The following GOLGA5 variants were observed in gnomAD, a reference collection of about 807,000 sequenced individuals.
The protein encoded by GOLGA5 is golgin subfamily A member 5.
GOLGA5 carries 50 observed loss-of-function variants against 93.5 expected under a neutral mutation model. The observed-to-expected ratio is 0.53, with a 90% CI of 0.43 to 0.68. The LOEUF (loss-of-function observed/expected upper bound fraction) is 0.68, where lower values mean the gene tolerates loss of function less well. GOLGA5 is among the 30% of genes least tolerant of loss of function. The pLI is 0.00. For missense variants in GOLGA5, 760 were observed against 856.4 expected (o/e 0.89, Z 1.40); for synonymous variants, 312 against 304.5 (o/e 1.02, Z -0.26).
chr14:92,823,544 A>G (rs1885357082), intron 8 of GOLGA5, among the ~76,000 whole-genome samples: 1 of 151,434 alleles, frequency 6.6e-6, no homozygotes, highest in Admixed American at 6.6e-5. Context: ...CCTCCTGAGT[A>G]GCTGGGATTA....
At position 92,831,593 on chromosome 14, in the gene GOLGA5, C is replaced by T. The variant is rs867432418; in HGVS notation, c.1720-1529C>T. Among the ~76,000 whole-genome samples, 17 of 152,110 alleles carry T rather than the reference C, an allele frequency of 1.1e-4. No individual in the cohort carries two copies. In the South Asian group the frequency reaches 1.2e-3, roughly 11 times the overall value. Reference sequence around the variant, plus strand: ...GCTGACTATACCGTCAAACATTTGTCACAGTTCGTTTTTTGCTTAATACCT... The same window carrying T: ...GCTGACTATACCGTCAAACATTTGTTACAGTTCGTTTTTTGCTTAATACCT... On this transcript the variant is annotated intron_variant, in intron 9 of 12. Coordinates refer to ENST00000163416, the MANE Select transcript of GOLGA5 (RefSeq NM_005113.4).
In GOLGA5 at chr14:92,797,889, A is replaced by G. The variant is rs755034600; in HGVS notation, c.452A>G (p.Gln151Arg). 1.9e-6 allele frequency: 3 copies of G among 1,612,312 alleles called. No individual in the cohort carries two copies. Among genetic ancestry groups the G allele is most frequent in the African/African-American group, 1.3e-5 (1 of 74,904 alleles). Reference sequence around the variant, plus strand: ...GAAAAAGGCAAGACACCTGTCTTTCAGAGCTCTCAGACATCAAGTGTCAGT... The same window carrying G: ...GAAAAAGGCAAGACACCTGTCTTTCGGAGCTCTCAGACATCAAGTGTCAGT... Reference protein sequence around the residue: ...RKEKGKTPVFQSSQTSSVSSV... With the variant: ...RKEKGKTPVFRSSQTSSVSSV... Residue 151 changes from glutamine (Q) to arginine (R), a missense_variant, in exon 2 of 13, where the codon CAG becomes CGG. Transcript: ENST00000163416.
In GOLGA5 at chr14:92,802,909, G is replaced by A. The variant is rs115151398; in HGVS notation, c.545-3827G>A. On this transcript the variant is annotated intron_variant, in intron 2 of 12. Transcript: ENST00000163416. ...CCTCCCAACTCACTGGGATGCAGGT[G>A]CACACCACTGCACCTAGCTCCAGCT... Among the ~76,000 whole-genome samples the A allele has an allele frequency of 2.4e-3, 363 of 152,076 alleles. 1 individual carries two copies. Among genetic ancestry groups the A allele is most frequent in the African/African-American group, 8.4e-3 (349 of 41,474 alleles).
At chr14:92,824,514 C>A (rs2273645) in intron 8 of GOLGA5, 32 bp from the exon 9 acceptor site, 2 of 1,115,844 alleles carry the variant, frequency 1.8e-6, no homozygotes, top group African/African-American at 3.1e-5. Flanking sequence ...ACACTTATTT[C>A]GCTTCTGTTT....
chr14:92,834,349 T>TC (rs1885594886), intron 10 of GOLGA5, among the ~76,000 whole-genome samples: 2 of 151,590 alleles, frequency 1.3e-5, no homozygotes, highest in African/African-American at 2.4e-5. Flanking sequence ...CTATCCCTCC[T>TC]CCCCCCTCCC....
intron 2 of GOLGA5, among the ~76,000 whole-genome samples, chr14:92,800,204 A>C (rs1884838692): frequency 6.6e-6 from 1 of 152,224 alleles, no homozygotes; most frequent in South Asian, 2.1e-4. Flanking sequence ...TAAACAGATA[A>C]TTTACTTGTG....
chr14:92,816,216 T>C (rs1885201083), intron 6 of GOLGA5, 35 bp from the exon 7 acceptor site: 15 of 1,437,988 alleles, frequency 1.0e-5, no homozygotes, highest in African/African-American at 2.8e-5. Flanking sequence ...AACTAATCTC[T>C]GCTTTGCTTA....
chr14:92,819,276 A>G (rs1359397458), intron 7 of GOLGA5, among the ~76,000 whole-genome samples: 1 of 152,130 alleles, frequency 6.6e-6, no homozygotes, highest in Non-Finnish European at 1.5e-5. Flanking sequence ...GTCAGGTTAT[A>G]TGCTCCCTAT....
intron 6 of GOLGA5, 88 bp downstream of exon 6, chr14:92,811,842 C>T (rs914495691): frequency 2.1e-6 from 2 of 940,280 alleles, no homozygotes; most frequent in Admixed American, 2.0e-5. Flanking sequence ...GTGTGAGGTG[C>T]TTTGTTCATG....
intron 2 of GOLGA5, among the ~76,000 whole-genome samples, chr14:92,803,220 A>G (rs1884911614): frequency 6.6e-6 from 1 of 152,020 alleles, no homozygotes; most frequent in South Asian, 2.1e-4. Flanking sequence ...CATTTTTTGT[A>G]GAGACAAGGT....
chr14:92,830,566 A>T (rs10146398), intron 9 of GOLGA5, among the ~76,000 whole-genome samples: 1 of 152,078 alleles, frequency 6.6e-6, no homozygotes, highest in Non-Finnish European at 1.5e-5. Flanking sequence ...CTGCACTGTT[A>T]ATAGACTACA....
chr14:92,825,770 C>G (rs1169911601), intron 9 of GOLGA5, among the ~76,000 whole-genome samples: 1 of 149,122 alleles, frequency 6.7e-6, no homozygotes, highest in Non-Finnish European at 1.5e-5. Context: ...ATGGGAGGAT[C>G]ACTTGCGCCT....
intron 8 of GOLGA5, among the ~76,000 whole-genome samples, chr14:92,821,411 C>T (rs1885315190): frequency 6.6e-6 from 1 of 152,052 alleles, no homozygotes; most frequent in Non-Finnish European, 1.5e-5. Flanking sequence ...ATAATAGTTT[C>T]AGTATTAACA....
chr14:92,798,114 T>G (rs1161011131), intron 2 of GOLGA5, 133 bp downstream of exon 2: 1 of 666,144 alleles, frequency 1.5e-6, no homozygotes, highest in Non-Finnish European at 2.6e-6. Context: ...TCTGCAAATG[T>G]GTGGTGTAAA....
chr14:92,826,847 A>G (rs1885433687), intron 9 of GOLGA5, among the ~76,000 whole-genome samples: 1 of 152,184 alleles, frequency 6.6e-6, no homozygotes, highest in South Asian at 2.1e-4. Flanking sequence ...CTAAGCTATA[A>G]AGCTTCTAGG....
At position 92,837,416 on chromosome 14, in the gene GOLGA5, C is replaced by A; in HGVS notation, c.2082C>A (p.Tyr694Ter). ...GCCTGGGAATTTTTCTCCGAAGATA[C>A]CCCATAGCGCGAGTTTTTGTAATTA... ...SIRLGIFLRR[Y>*]PIARVFVIIY... Residue 694 changes from tyrosine to a stop codon, truncating the protein, a stop_gained, in exon 12 of 13, where the codon TAC (tyrosine) becomes TAA (stop). Coordinates refer to ENST00000163416, the MANE Select transcript of GOLGA5 (RefSeq NM_005113.4). LOFTEE classifies it high-confidence loss of function. The A allele has an allele frequency of 6.5e-7, 1 of 1,540,170 alleles. No individual in the cohort carries two copies. The highest frequency in any genetic ancestry group is 2.2e-5 in the East Asian group (1 of 44,518).
chr14:92,829,611 G>C (rs534715026), intron 9 of GOLGA5, among the ~76,000 whole-genome samples: 1 of 152,320 alleles, frequency 6.6e-6, no homozygotes, highest in East Asian at 1.9e-4. Context: ...ATGAGGAGTT[G>C]CTTCTTACCG....
Position 92,797,481 on chromosome 14 carries a change from T to G in GOLGA5, c.44T>G (p.Leu15Ter). ...VDLAGKAEDL[L>*]NRVDQGAATA... ...CTTGCTGGAAAGGCAGAAGATCTTT[T>G]AAACCGAGTTGATCAAGGGGCTGCA... is the stretch of plus-strand genomic sequence containing the variant. The change falls in exon 2 of 13, where the codon TTA becomes TGA. Residue 15 changes from leucine to a stop codon, truncating the protein, a stop_gained. Transcript: ENST00000163416. LOFTEE classifies it high-confidence loss of function. 1 of 1,612,082 alleles carries G rather than the reference T, an allele frequency of 6.2e-7. No individual in the cohort carries two copies. Among genetic ancestry groups the G allele is most frequent in the South Asian group, 1.1e-5 (1 of 90,568 alleles).
intron 6 of GOLGA5, among the ~76,000 whole-genome samples, chr14:92,812,456 C>CT (rs2140321284): frequency 6.6e-6 from 1 of 152,296 alleles, no homozygotes; most frequent in South Asian, 2.1e-4. Context: ...AAAACAGTCT[C>CT]TTTTAGCTTT....
Sources: gnomAD v4.1 joint callset for allele counts (sites outside exome capture counted in the v4.1 genomes callset) on GRCh38, gnomAD v4.1.1 for gene constraint, MANE v1.5 for transcripts, NCBI Gene and HGNC (gene_info 2026-07-23, HGNC 2026-07-21) for gene names.